Variants in ARHGAP32 observed in about 807,000 individuals in gnomAD.
ARHGAP32 encodes Rho GTPase activating protein 32.
A neutral mutation model predicts 186.5 loss-of-function variants in ARHGAP32; 51 were observed. The ratio of observed to expected loss-of-function variants is 0.27; its 90% CI spans 0.22 to 0.35. The LOEUF (loss-of-function observed/expected upper bound fraction) is 0.35. ARHGAP32 is among the 10% of genes least tolerant of loss of function. ARHGAP32 has a pLI of 1.00. For missense variants in ARHGAP32, 2,186 were observed against 2,623.5 expected, an observed-to-expected ratio of 0.83 and a Z score of 3.64; for synonymous variants, 950 against 964.3, an observed-to-expected ratio of 0.99 and a Z score of 0.27.
intron 11 of ARHGAP32, 23 bp downstream of exon 11, chr11:129,040,905 A>G: frequency 6.4e-7 from 1 of 1,555,942 alleles, no homozygotes; most frequent in Non-Finnish European, 8.8e-7. Flanking sequence ...AAATAACTAC[A>G]CTAGTGAAAA....
intron 1 of ARHGAP32, among the ~76,000 whole-genome samples, chr11:129,277,824 G>A (rs548528602): frequency 4.3e-4 from 66 of 152,222 alleles, no homozygotes; most frequent in African/African-American, 1.5e-3. Flanking sequence ...ACACAACATT[G>A]AGTACTTGAA....
At chr11:129,022,130 C>T (rs535795064) in intron 11 of ARHGAP32, among the ~76,000 whole-genome samples, 12 of 152,176 alleles carry the variant, frequency 7.9e-5, no homozygotes, top group African/African-American at 2.9e-4. Flanking sequence ...ATAACACACA[C>T]AAATTCTTAG....
intron 1 of ARHGAP32, among the ~76,000 whole-genome samples, chr11:129,202,387 A>G (rs955026647): frequency 2.0e-5 from 3 of 152,162 alleles, no homozygotes; most frequent in Admixed American, 6.5e-5. Context: ...GAATAAATAC[A>G]TAGGATTGAA....
chr11:129,132,868 C>T (rs1942844239), intron 2 of ARHGAP32, among the ~76,000 whole-genome samples: 1 of 151,970 alleles, frequency 6.6e-6, no homozygotes. Flanking sequence ...AATTCTCTTA[C>T]AAAAAGAAAA....
chr11:128,966,906 C>T lies in ARHGAP32; in HGVS notation c.*2001G>A, dbSNP rs540776310. ...TGCCACATATTCACCAAAGGTCATA[C>T]TCCTGTATGTAGCACCCAGGGTGTT... On this transcript the variant is annotated 3_prime_UTR_variant, in exon 23 of 23. Coordinates refer to ENST00000682385, the MANE Select transcript of ARHGAP32 (RefSeq NM_001378024.1). 2.0e-5 allele frequency: 3 copies of T among 152,332 alleles called. No homozygotes were observed. Among genetic ancestry groups the T allele is most frequent in the East Asian group, 3.9e-4 (2 of 5,190 alleles). 9.4% of individuals were successfully genotyped at this position (152,332 alleles called of 1,614,324 possible).
Position 128,971,006 on chromosome 11 carries a change from C to T in ARHGAP32, c.4207G>A (p.Gly1403Ser), listed in dbSNP as rs374615050. ...QPGLPEKVRDGARVPLLHLRA... is the reference protein window; with the variant it reads ...QPGLPEKVRDSARVPLLHLRA... ...AGGTGCAGCAGCGGGACCCGGGCAC[C>T]GTCCCGCACTTTCTCAGGCAGGCCT... Residue 1403 changes from glycine to serine, a missense_variant, in exon 23 of 23, where the codon GGT becomes AGT. Transcript: ENST00000682385. The T allele has an allele frequency of 2.3e-5, 37 of 1,613,558 alleles. No homozygotes were observed. The highest frequency in any genetic ancestry group is 1.6e-4 in the Middle Eastern group (1 of 6,084).
Position 129,043,530 on chromosome 11 carries a change from G to A in ARHGAP32, c.964-2521C>T, listed in dbSNP as rs147410255. On this transcript the variant is annotated intron_variant, in intron 10 of 22. Transcript: ENST00000682385. Reference sequence around the variant, plus strand: ...GCCTCCCAAGTAACTGGGATTATACGCGTGCGCCACCATGCCCGGCTAATT... The same window carrying A: ...GCCTCCCAAGTAACTGGGATTATACACGTGCGCCACCATGCCCGGCTAATT... Among the ~76,000 whole-genome samples the A allele has an allele frequency of 1.6e-4, 25 of 151,782 alleles. No individual in the cohort carries two copies. The East Asian group carries it at 4.1e-3, about 25-fold the overall frequency.
intron 10 of ARHGAP32, among the ~76,000 whole-genome samples, chr11:129,056,557 A>G (rs745832443): frequency 5.3e-5 from 8 of 152,160 alleles, no homozygotes; most frequent in Non-Finnish European, 1.2e-4. Context: ...CTATTTTTAA[A>G]ATATTAAAAT....
At chr11:129,124,435 A>G (rs1157835060) in intron 3 of ARHGAP32, among the ~76,000 whole-genome samples, 1 of 152,100 alleles carries the variant, frequency 6.6e-6, no homozygotes, top group Non-Finnish European at 1.5e-5. Flanking sequence ...CATCTACTTC[A>G]TGCTCCTCAA....
chr11:129,226,777 T>A lies in ARHGAP32; in HGVS notation c.-5+52369A>T, dbSNP rs555213598. ...TACAAGAGACACACAACACACTATA[T>A]CCACCAAATATGATGAAATTAAGAC... On this transcript the variant is annotated intron_variant, in intron 1 of 6. Transcript: ENST00000525234. 2.0e-5 allele frequency among the ~76,000 whole-genome samples: 3 copies of A among 152,072 alleles called. No individual in the cohort carries two copies. The East Asian group carries it at 5.8e-4, about 29-fold the overall frequency.
At chr11:129,113,408 T>C (rs1213857838) in intron 5 of ARHGAP32, among the ~76,000 whole-genome samples, 1 of 152,166 alleles carries the variant, frequency 6.6e-6, no homozygotes, top group Non-Finnish European at 1.5e-5. Context: ...TACATTCCTC[T>C]TGATTAGGAA....
intron 1 of ARHGAP32, among the ~76,000 whole-genome samples, chr11:129,228,285 T>C (rs1402788653): frequency 1.3e-5 from 2 of 151,910 alleles, no homozygotes; most frequent in Non-Finnish European, 2.9e-5. Context: ...AGATTTCACA[T>C]CAATAACCTA....
At chr11:129,224,768 C>CAAAAAAAAA (rs57944399) in intron 1 of ARHGAP32, among the ~76,000 whole-genome samples, 1 of 104,296 alleles carries the variant, frequency 9.6e-6, no homozygotes, top group Admixed American at 1.0e-4. Context: ...TTGGCTAGAG[C>CAAAAAAAAA]AAAAAAAAAA....
intron 1 of ARHGAP32, among the ~76,000 whole-genome samples, chr11:129,223,877 A>G (rs1439579567): frequency 1.3e-5 from 2 of 152,228 alleles, no homozygotes; most frequent in Non-Finnish European, 2.9e-5. Context: ...TCCACTAGAC[A>G]TCTGCCCAGA....
In ARHGAP32 at chr11:129,154,765, T is replaced by C. The variant is rs186690374; in HGVS notation, c.225+9554A>G. ...GAGGTGAGTGAGGAACAAAAGACTA[T>C]ACATCGGGTACAATGTACACTGCTA... On this transcript the variant is annotated intron_variant, in intron 2 of 22. Transcript: ENST00000682385. Among the ~76,000 whole-genome samples the C allele has an allele frequency of 1.5e-3, 231 of 152,202 alleles. 1 individual carries two copies. Among genetic ancestry groups the C allele is most frequent in the African/African-American group, 5.4e-3 (225 of 41,550 alleles).
At chr11:129,020,292 C>T (rs561452728) in intron 11 of ARHGAP32, among the ~76,000 whole-genome samples, 1 of 152,116 alleles carries the variant, frequency 6.6e-6, no homozygotes, top group East Asian at 1.9e-4. Flanking sequence ...AGGTTTAACA[C>T]TTTTTAAATT....
chr11:129,239,429 A>G (rs1944985910), intron 1 of ARHGAP32, among the ~76,000 whole-genome samples: 1 of 152,170 alleles, frequency 6.6e-6, no homozygotes, highest in Admixed American at 6.5e-5. Context: ...GATGACCAAA[A>G]TTACCCAGAA....
chr11:129,034,472 T>C (rs1939240549), intron 11 of ARHGAP32, among the ~76,000 whole-genome samples: 1 of 152,164 alleles, frequency 6.6e-6, no homozygotes, highest in African/African-American at 2.4e-5. Context: ...TTTCTCCCAC[T>C]CTTTCCCTCT....
intron 8 of ARHGAP32, 131 bp downstream of exon 8, chr11:129,064,710 C>T: frequency 1.5e-6 from 1 of 656,450 alleles, no homozygotes; most frequent in Non-Finnish European, 2.6e-6. Context: ...ATCTATCCTC[C>T]CAGATGCTGA....
Sources: gnomAD v4.1 joint callset for allele counts (sites outside exome capture counted in the v4.1 genomes callset) on GRCh38, gnomAD v4.1.1 for gene constraint, MANE v1.5 for transcripts, NCBI Gene and HGNC (gene_info 2026-07-23, HGNC 2026-07-21) for gene names.